The following NEK10 variants were observed in gnomAD, a reference collection of about 807,000 sequenced individuals.
The protein encoded by NEK10 is NIMA related kinase 10, also known as serine/threonine-protein kinase Nek10.
In NEK10, 122 loss-of-function variants were observed where a neutral mutation model predicts 159.8. The ratio of observed to expected loss-of-function variants is 0.76; its 90% CI spans 0.66 to 0.89. The LOEUF (loss-of-function observed/expected upper bound fraction) is 0.89, where lower values mean the gene tolerates loss of function less well. Ranked by LOEUF, NEK10 falls within the 40% of genes least tolerant of loss-of-function variation. NEK10 has a pLI of 0.00. For synonymous variants in NEK10, 466 were observed against 457.1 expected (o/e 1.02, Z -0.25); for missense variants, 1,342 against 1,323.1 (o/e 1.01, Z -0.22).
intron 6 of NEK10, among the ~76,000 whole-genome samples, chr3:27,320,918 G>A (rs142552437): frequency 6.7e-4 from 102 of 152,256 alleles, no homozygotes; most frequent in African/African-American, 2.3e-3. Context: ...TCTGAAATAC[G>A]AGGGAAGTAG....
intron 23 of NEK10, among the ~76,000 whole-genome samples, chr3:27,219,742 A>T (rs140611442): frequency 1.5e-3 from 227 of 152,312 alleles, no homozygotes; most frequent in African/African-American, 5.3e-3. Flanking sequence ...TTAGTCAGAA[A>T]GGGAAATAAA....
intron 25 of NEK10, among the ~76,000 whole-genome samples, chr3:27,192,821 T>C (rs1348139611): frequency 1.3e-5 from 2 of 152,314 alleles, no homozygotes; most frequent in African/African-American, 2.4e-5. Flanking sequence ...TCCTAGCATA[T>C]AGTCATCTCC....
At chr3:27,280,752 A>G (rs1486114477) in intron 22 of NEK10, among the ~76,000 whole-genome samples, 1 of 152,148 alleles carries the variant, frequency 6.6e-6, no homozygotes, top group Non-Finnish European at 1.5e-5. Context: ...GCCTTCCTCA[A>G]AATTATTAGA....
At chr3:27,285,049 G>A in intron 20 of NEK10, 88 bp from the exon 21 acceptor site, 1 of 969,894 alleles carries the variant, frequency 1.0e-6, no homozygotes, top group Non-Finnish European at 1.5e-6. Context: ...AAGCTTCCCA[G>A]TGTCTGTGCG....
At chr3:27,340,054 A>G (rs1471335821) in intron 5 of NEK10, among the ~76,000 whole-genome samples, 2 of 152,208 alleles carry the variant, frequency 1.3e-5, no homozygotes, top group Non-Finnish European at 2.9e-5. Context: ...AGACACATGC[A>G]CATATATGTT....
intron 23 of NEK10, among the ~76,000 whole-genome samples, chr3:27,210,224 A>G (rs993107829): frequency 2.0e-5 from 3 of 152,190 alleles, no homozygotes; most frequent in African/African-American, 7.2e-5. Context: ...GAGGGGCTGC[A>G]TCTGGTGAGG....
intron 23 of NEK10, among the ~76,000 whole-genome samples, chr3:27,207,713 T>C (rs1164441651): frequency 2.0e-5 from 3 of 152,174 alleles, no homozygotes; most frequent in African/African-American, 4.8e-5. Flanking sequence ...TTCTCAGGTA[T>C]TGGCTATCAC....
Position 27,301,845 on chromosome 3 carries a change from A to G in NEK10, c.1029-10T>C, listed in dbSNP as rs887008431. On this transcript the variant is annotated splice_polypyrimidine_tract_variant and intron_variant, in intron 12 of 35. Transcript: ENST00000691995. The stretch of plus-strand genomic sequence containing the variant: ...AACAAAATTTCTGTCTCTGAAAAAG[A>G]AAAGTTAATGCATAGACCATTTATC... 6.5e-7 allele frequency: 1 copy of G among 1,547,572 alleles called. No individual in the cohort carries two copies. The highest frequency in any genetic ancestry group is 8.7e-7 in the Non-Finnish European group (1 of 1,143,310).
intron 26 of NEK10, among the ~76,000 whole-genome samples, chr3:27,191,321 C>T (rs181419715): frequency 2.0e-5 from 3 of 151,922 alleles, no homozygotes; most frequent in Admixed American, 6.5e-5. Flanking sequence ...GGATGAAAGT[C>T]CCCTTACCAG....
chr3:27,208,597 GA>G (rs1421188449), intron 23 of NEK10, among the ~76,000 whole-genome samples: 2 of 152,158 alleles, frequency 1.3e-5, no homozygotes, highest in Non-Finnish European at 2.9e-5. Context: ...GTGGGGAAGA[GA>G]AAAAGAGAAG....
chr3:27,324,005 C>G (rs2045838226), intron 5 of NEK10, among the ~76,000 whole-genome samples: 1 of 152,098 alleles, frequency 6.6e-6, no homozygotes, highest in African/African-American at 2.4e-5. Flanking sequence ...AGATTTAAAC[C>G]TAAGGGAGCA....
At chr3:27,350,423 C>A (rs2047886177) in intron 3 of NEK10, among the ~76,000 whole-genome samples, 1 of 152,136 alleles carries the variant, frequency 6.6e-6, no homozygotes, top group Non-Finnish European at 1.5e-5. Context: ...TCTTCCCTCC[C>A]TATAAATGTC....
intron 23 of NEK10, among the ~76,000 whole-genome samples, chr3:27,207,377 G>A (rs533659246): frequency 1.6e-4 from 24 of 152,220 alleles, no homozygotes; most frequent in African/African-American, 5.1e-4. Flanking sequence ...TATCATTGAA[G>A]AAGTAACTCA....
chr3:27,287,023 C>A (rs1412639370), intron 20 of NEK10, among the ~76,000 whole-genome samples: 1 of 151,350 alleles, frequency 6.6e-6, no homozygotes, highest in African/African-American at 2.4e-5. Context: ...CCAGTCATTG[C>A]CTTATGTCTC....
chr3:27,116,060 C>T lies in NEK10; in HGVS notation c.3243+15G>A, dbSNP rs1940375252. On this transcript the variant is annotated intron_variant, in intron 34 of 35. Coordinates refer to ENST00000691995, the MANE Select transcript of NEK10 (RefSeq NM_001394966.1). ...AACAAAATAAAATCATTCAGAGACA[C>T]TGCAAAAACCTCACCTGCATCTGTT... The T allele has an allele frequency of 1.2e-6, 2 of 1,613,184 alleles. No homozygotes were observed. Among genetic ancestry groups the T allele is most frequent in the African/African-American group, 2.7e-5 (2 of 74,900 alleles).
intron 1 of NEK10, among the ~76,000 whole-genome samples, chr3:27,361,658 T>G (rs890170719): frequency 1.3e-5 from 2 of 152,162 alleles, no homozygotes; most frequent in African/African-American, 2.4e-5. Flanking sequence ...ATAAAATAGT[T>G]AACCATCATT....
Position 27,353,171 on chromosome 3 carries a change from A to G in NEK10, c.-37-252T>C, listed in dbSNP as rs1191908208. Among the ~76,000 whole-genome samples the G allele has an allele frequency of 4.6e-5, 7 of 152,282 alleles. No individual in the cohort carries two copies. The East Asian group carries it at 1.3e-3, about 29-fold the overall frequency. On this transcript the variant is annotated intron_variant, in intron 1 of 35. Coordinates refer to ENST00000691995, the MANE Select transcript of NEK10 (RefSeq NM_001394966.1). ...TGGGTTTGCCAGTAGACAAAGAACA[A>G]TTGGTTTGCTTTTATTTTTCTTAAT...
At chr3:27,167,675 A>G (rs560785140) in intron 29 of NEK10, among the ~76,000 whole-genome samples, 42 of 152,332 alleles carry the variant, frequency 2.8e-4, no homozygotes, top group African/African-American at 8.2e-4. Flanking sequence ...GCAAATAGTA[A>G]TAGATATAAA....
intron 1 of NEK10, among the ~76,000 whole-genome samples, chr3:27,357,418 C>CGTG (rs1387905368): frequency 3.3e-5 from 5 of 152,016 alleles, no homozygotes; most frequent in Admixed American, 3.3e-4. Flanking sequence ...TGTAATAATC[C>CGTG]TGAGCACATT....
Sources: allele counts gnomAD v4.1 joint callset (sites outside exome capture counted in the v4.1 genomes callset), GRCh38; gene constraint gnomAD v4.1.1; transcripts MANE v1.5; gene names NCBI Gene and HGNC (gene_info 2026-07-23, HGNC 2026-07-21).